The following DRC11L variants were observed in gnomAD, a reference collection of about 807,000 sequenced individuals.
DRC11L encodes the protein dynein regulatory complex subunit like-11.
the DRC11L span, chr7:151,204,386 C>A: frequency 2.3e-5 from 9 of 392,574 alleles, no homozygotes; most frequent in Non-Finnish European, 4.0e-5. Context: ...CATCCCTACC[C>A]CACCCGACCC....
chr7:151,194,017 C>T, the DRC11L span, among the ~76,000 whole-genome samples: 1 of 151,910 alleles, frequency 6.6e-6, no homozygotes, highest in Non-Finnish European at 1.5e-5. Flanking sequence ...TGGGTTGTCC[C>T]TTGGGATTGA....
chr7:151,192,247 G>A, the DRC11L span: 8 of 399,070 alleles, frequency 2.0e-5, 1 homozygote, highest in African/African-American at 4.1e-5. Flanking sequence ...TTTGGTAGGC[G>A]CAGCCGTCCC....
the DRC11L span, chr7:151,192,643 G>A: frequency 2.5e-6 from 1 of 398,940 alleles, no homozygotes; most frequent in Non-Finnish European, 4.4e-6. Flanking sequence ...CAAGGCCCCA[G>A]TGGTTGGGGT....
At chr7:151,194,439 G>A in the DRC11L span, 16 of 398,780 alleles carry the variant, frequency 4.0e-5, no homozygotes, top group South Asian at 9.0e-4. Context: ...CAGGGAAGGC[G>A]GGGCTGGTGG....
chr7:151,203,410 T>A, the DRC11L span: 1 of 399,190 alleles, frequency 2.5e-6, no homozygotes, highest in Non-Finnish European at 4.4e-6. Context: ...GGGAGGACAC[T>A]GGCTCCAGTC....
chr7:151,200,315 T>C, the DRC11L span: 1 of 399,246 alleles, frequency 2.5e-6, no homozygotes, highest in East Asian at 3.6e-5. Flanking sequence ...AAGACTGCTC[T>C]GGGTGGGGGC....
chr7:151,204,908 T>C, the DRC11L span: 1 of 398,900 alleles, frequency 2.5e-6, no homozygotes, highest in Non-Finnish European at 4.4e-6. Context: ...GCCTGGCCTT[T>C]TGAGGAGTGT....
At chr7:151,195,487 T>C in the DRC11L span, 1 of 399,548 alleles carries the variant, frequency 2.5e-6, no homozygotes, top group East Asian at 3.6e-5. Flanking sequence ...AGGTGTTTTC[T>C]GGTTGGAAAC....
At chr7:151,202,044 A>T in the DRC11L span, among the ~76,000 whole-genome samples, 124 of 152,310 alleles carry the variant, frequency 8.1e-4, no homozygotes, top group Non-Finnish European at 1.2e-3. Context: ...ACGTGTGAGA[A>T]CCAGGATGGT....
the DRC11L span, chr7:151,191,700 C>A: frequency 2.5e-6 from 1 of 399,308 alleles, no homozygotes; most frequent in Non-Finnish European, 4.4e-6. Flanking sequence ...CCCAGGAACT[C>A]AGAGGCCACC....
chr7:151,196,121 T>C, the DRC11L span: 47 of 274,536 alleles, frequency 1.7e-4, 1 homozygote, highest in South Asian at 4.6e-3. Flanking sequence ...CGTCAGAGGG[T>C]TCCTGAGGAT....
chr7:151,194,719 C>T, the DRC11L span: 3 of 395,218 alleles, frequency 7.6e-6, no homozygotes, highest in Non-Finnish European at 1.3e-5. Context: ...CAGTGGTTCT[C>T]CTGTACAACA....
At chr7:151,196,443 C>T in the DRC11L span, 12 of 399,096 alleles carry the variant, frequency 3.0e-5, no homozygotes, top group Admixed American at 2.2e-4. Context: ...ACCCTGTGCT[C>T]ACACCTGTAT....
At chr7:151,192,978 C>T in the DRC11L span, 6 of 397,812 alleles carry the variant, frequency 1.5e-5, no homozygotes, top group Non-Finnish European at 2.2e-5. Context: ...GAAGTCCCAC[C>T]TCCCAGCCTG....
chr7:151,204,378 T>G, the DRC11L span: 1 of 366,594 alleles, frequency 2.7e-6, no homozygotes, highest in African/African-American at 2.1e-5. Flanking sequence ...GTCGGCCCCA[T>G]CCCTACCCCA....
chr7:151,191,454 C>T, the DRC11L span, among the ~76,000 whole-genome samples: 20 of 152,192 alleles, frequency 1.3e-4, no homozygotes, highest in Non-Finnish European at 2.5e-4. Flanking sequence ...CCAGGTGGGA[C>T]GGCCCCGAAG....
the DRC11L span, chr7:151,193,361 G>A: frequency 6.0e-5 from 24 of 399,544 alleles, no homozygotes; most frequent in South Asian, 7.6e-4. Flanking sequence ...GTTTTCCGGC[G>A]ACAGGTCGAA....
chr7:151,197,336 A>G, the DRC11L span: 2 of 398,858 alleles, frequency 5.0e-6, no homozygotes, highest in East Asian at 3.6e-5. Context: ...ACCTGTGACC[A>G]ATGACCCAAG....
chr7:151,200,539 G>T, the DRC11L span: 1 of 399,170 alleles, frequency 2.5e-6, no homozygotes, highest in South Asian at 1.3e-4. Context: ...GAGAGGGTCC[G>T]AGAGGGTCAC....
Sources: allele counts gnomAD v4.1 joint callset (sites outside exome capture counted in the v4.1 genomes callset), GRCh38; gene constraint gnomAD v4.1.1; transcripts MANE v1.5; gene names NCBI Gene and HGNC (gene_info 2026-07-23, HGNC 2026-07-21).